Variants in KAZN observed in about 807,000 individuals in gnomAD.
The protein encoded by KAZN is kazrin.
KAZN carries 40 observed loss-of-function variants against 87.4 expected under a neutral mutation model. That is an observed-to-expected ratio of 0.46 (90% confidence interval 0.36 to 0.60). The LOEUF is 0.60. Among genes scored for constraint, KAZN ranks in the 20% least tolerant of loss-of-function variants. The pLI, the probability that KAZN is intolerant of heterozygous loss-of-function variation, is 0.00. For synonymous variants in KAZN, 466 were observed against 458.3 expected (o/e 1.02, Z -0.22); for missense variants, 898 against 1,073.9 (o/e 0.84, Z 2.29).
At chr1:14,039,299 GT>G (rs1641700473) in intron 1 of KAZN, among the ~76,000 whole-genome samples, 1 of 152,116 alleles carries the variant, frequency 6.6e-6, no homozygotes, top group Admixed American at 6.6e-5. Context: ...CACTCTCTAC[GT>G]CTGCCTCCAC....
intron 1 of KAZN, among the ~76,000 whole-genome samples, chr1:13,897,916 A>AC (rs1332981822): frequency 6.6e-6 from 1 of 151,600 alleles, no homozygotes; most frequent in Non-Finnish European, 1.5e-5. Context: ...TCTATTTCTA[A>AC]CCCCCCACCC....
chr1:14,055,746 T>C (rs966693170), intron 1 of KAZN, among the ~76,000 whole-genome samples: 2 of 150,370 alleles, frequency 1.3e-5, no homozygotes, highest in African/African-American at 2.5e-5. Context: ...GGAGCCTCCC[T>C]CTACCCTCTG....
intron 1 of KAZN, among the ~76,000 whole-genome samples, chr1:14,918,429 A>C (rs1375579171): frequency 6.6e-6 from 1 of 151,760 alleles, no homozygotes; most frequent in Admixed American, 6.6e-5. Context: ...TAACCCCAGC[A>C]ATTTGGGAGA....
chr1:14,543,724 T>C (rs1176143396), intron 2 of KAZN, among the ~76,000 whole-genome samples: 1 of 152,206 alleles, frequency 6.6e-6, no homozygotes, highest in African/African-American at 2.4e-5. Context: ...CCATCCATTT[T>C]TGCAGCGTCG....
intron 1 of KAZN, among the ~76,000 whole-genome samples, chr1:14,903,827 G>A (rs1286462272): frequency 2.0e-5 from 3 of 152,210 alleles, no homozygotes; most frequent in African/African-American, 7.2e-5. Context: ...CTGGCAGATG[G>A]TGTTCTAAGT....
chr1:14,312,272 GTTTC>G (rs1260779070), intron 2 of KAZN, among the ~76,000 whole-genome samples: 1 of 152,062 alleles, frequency 6.6e-6, no homozygotes, highest in African/African-American at 2.4e-5. Flanking sequence ...ATATAGCCCT[GTTTC>G]TTTCTCTTTG....
intron 1 of KAZN, among the ~76,000 whole-genome samples, chr1:14,687,957 C>T (rs189801385): frequency 1.4e-4 from 22 of 152,296 alleles, no homozygotes; most frequent in Non-Finnish European, 2.4e-4. Context: ...CCAGTGCCCA[C>T]GGCACAGGGT....
intron 2 of KAZN, among the ~76,000 whole-genome samples, chr1:14,222,685 T>G (rs1196957285): frequency 6.6e-6 from 1 of 152,148 alleles, no homozygotes; most frequent in Non-Finnish European, 1.5e-5. Flanking sequence ...CAGAGGAAAT[T>G]TTGGCATTTG....
At chr1:13,973,976 TG>T (rs1307935052) in intron 1 of KAZN, among the ~76,000 whole-genome samples, 27 of 152,306 alleles carry the variant, frequency 1.8e-4, no homozygotes, top group African/African-American at 6.0e-4. Flanking sequence ...AGGACTAGGA[TG>T]ATCCAAGGCA....
chr1:14,081,106 GTT>G (rs36056101), intron 1 of KAZN, among the ~76,000 whole-genome samples: 4 of 143,774 alleles, frequency 2.8e-5, no homozygotes, highest in African/African-American at 7.6e-5. Context: ...CATGGTGTTG[GTT>G]TTTTTTTTTT....
intron 1 of KAZN, among the ~76,000 whole-genome samples, chr1:14,914,851 C>CTTACATAGTACTGGT: frequency 6.6e-6 from 1 of 151,412 alleles, no homozygotes; most frequent in South Asian, 2.1e-4. Flanking sequence ...ATAGCAATAG[C>CTTACATAGTACTGGT]ACTTACATAG....
chr1:14,603,734 C>G (rs752102505), intron 1 of KAZN, among the ~76,000 whole-genome samples: 3 of 152,162 alleles, frequency 2.0e-5, no homozygotes, highest in Non-Finnish European at 4.4e-5. Context: ...CTCTCCATCC[C>G]TTTACCCTCT....
At chr1:14,229,635 A>G (rs535021218) in intron 2 of KAZN, among the ~76,000 whole-genome samples, 196 of 152,236 alleles carry the variant, frequency 1.3e-3, no homozygotes, top group Non-Finnish European at 2.4e-3. Context: ...TTATTCATAT[A>G]AGGGCCCTCT....
chr1:14,102,017 T>G (rs1644264702), intron 1 of KAZN, among the ~76,000 whole-genome samples: 6 of 152,022 alleles, frequency 3.9e-5, no homozygotes, highest in African/African-American at 1.4e-4. Flanking sequence ...TTAAACAACT[T>G]CAAAGAAGAT....
intron 1 of KAZN, among the ~76,000 whole-genome samples, chr1:14,858,748 T>C (rs1268597982): frequency 1.3e-5 from 2 of 152,202 alleles, no homozygotes; most frequent in Non-Finnish European, 1.5e-5. Flanking sequence ...AATACCCAAA[T>C]TCCTCCTATA....
chr1:14,113,229 C>A (rs1439801062), intron 1 of KAZN, among the ~76,000 whole-genome samples: 1 of 152,210 alleles, frequency 6.6e-6, no homozygotes, highest in Admixed American at 6.5e-5. Context: ...GATTCTTTCT[C>A]TGGCATAAAA....
intron 4 of KAZN, among the ~76,000 whole-genome samples, chr1:15,045,395 C>G (rs1673364999): frequency 6.6e-6 from 1 of 152,206 alleles, no homozygotes; most frequent in South Asian, 2.1e-4. Flanking sequence ...TCCATCAACT[C>G]AAAACAGAGA....
chr1:14,185,655 T>C (rs926419176), intron 2 of KAZN, among the ~76,000 whole-genome samples: 2 of 152,218 alleles, frequency 1.3e-5, no homozygotes, highest in Non-Finnish European at 2.9e-5. Flanking sequence ...GTGTTTGTTT[T>C]GTTTTGTTTT....
Position 14,466,527 on chromosome 1 carries a change from A to G in KAZN, c.250-132456A>G, listed in dbSNP as rs142513145. On this transcript the variant is annotated intron_variant, in intron 2 of 16. Coordinates refer to the KAZN transcript ENST00000636203. ...GGTGAGGGGAGGGAGAGCATTAGGA[A>G]AAATACCTAATATGTGCTGGGCTTG... is the stretch of plus-strand genomic sequence containing the variant. Among the ~76,000 whole-genome samples, 474 of 152,112 alleles carry G rather than the reference A, an allele frequency of 3.1e-3. 3 individuals are homozygous for G. Among genetic ancestry groups the G allele is most frequent in the African/African-American group, 0.011 (455 of 41,494 alleles).
Sources: gnomAD v4.1 joint callset for allele counts (sites outside exome capture counted in the v4.1 genomes callset) on GRCh38, gnomAD v4.1.1 for gene constraint, MANE v1.5 for transcripts, NCBI Gene and HGNC (gene_info 2026-07-23, HGNC 2026-07-21) for gene names.